The following CACNA2D1 variants were observed in gnomAD, a reference collection of about 807,000 sequenced individuals.
CACNA2D1 encodes calcium voltage-gated channel auxiliary subunit alpha2delta 1.
Under a neutral mutation model 171.5 loss-of-function variants are expected in CACNA2D1, and 53 were observed. The ratio of observed to expected loss-of-function variants is 0.31; its 90% CI spans 0.25 to 0.39. The LOEUF (loss-of-function observed/expected upper bound fraction) is 0.39, where lower values mean the gene tolerates loss of function less well. CACNA2D1 is among the 10% of genes least tolerant of loss of function. CACNA2D1 has a pLI of 1.00. For synonymous variants in CACNA2D1, 442 were observed against 443.1 expected (o/e 1.00, Z 0.03); for missense variants, 903 against 1,299.8 (o/e 0.69, Z 4.69).
chr7:82,097,718 G>A (rs1367508812), intron 6 of CACNA2D1, among the ~76,000 whole-genome samples: 3 of 152,156 alleles, frequency 2.0e-5, no homozygotes, highest in Admixed American at 2.0e-4. Context: ...GTATAAGGAA[G>A]AATCAGATTT....
intron 17 of CACNA2D1, 93 bp from the exon 18 acceptor site, chr7:82,005,590 T>C (rs1433339487): frequency 1.1e-5 from 10 of 884,226 alleles, no homozygotes; most frequent in Admixed American, 2.1e-5. Flanking sequence ...AAATACACAT[T>C]GTATAGCATG....
At chr7:82,104,168 C>T (rs1255134270) in intron 6 of CACNA2D1, among the ~76,000 whole-genome samples, 1 of 151,894 alleles carries the variant, frequency 6.6e-6, no homozygotes, top group Non-Finnish European at 1.5e-5. Context: ...TTGTATAATT[C>T]ATCACGTTTT....
intron 3 of CACNA2D1, among the ~76,000 whole-genome samples, chr7:82,176,669 T>C (rs1319012337): frequency 3.3e-5 from 5 of 151,702 alleles, no homozygotes; most frequent in African/African-American, 7.3e-5. Flanking sequence ...AGCAACTAGA[T>C]AAATACCCTG....
intron 1 of CACNA2D1, among the ~76,000 whole-genome samples, chr7:82,425,655 C>G (rs1405152905): frequency 6.6e-6 from 1 of 150,690 alleles, no homozygotes; most frequent in African/African-American, 2.4e-5. Flanking sequence ...ATCCTCTCAC[C>G]CGCATAGCTG....
At chr7:82,297,574 T>C (rs548635518) in intron 3 of CACNA2D1, among the ~76,000 whole-genome samples, 35 of 152,206 alleles carry the variant, frequency 2.3e-4, no homozygotes, top group Non-Finnish European at 4.0e-4. Context: ...ATTGTAATTA[T>C]AGAATAAAAA....
intron 5 of CACNA2D1, among the ~76,000 whole-genome samples, chr7:82,135,330 G>T (rs571452938): frequency 6.6e-6 from 1 of 151,784 alleles, no homozygotes; most frequent in South Asian, 2.1e-4. Context: ...CTTCAAAAAT[G>T]GTACTTATTT....
At chr7:82,362,513 A>G (rs555990239) in intron 1 of CACNA2D1, among the ~76,000 whole-genome samples, 4 of 152,244 alleles carry the variant, frequency 2.6e-5, no homozygotes, top group South Asian at 2.1e-4. Context: ...AGCACATGCA[A>G]TCCATTAGAA....
chr7:82,303,941 A>G (rs1813371320), intron 3 of CACNA2D1, among the ~76,000 whole-genome samples: 4 of 152,172 alleles, frequency 2.6e-5, no homozygotes, highest in Admixed American at 2.0e-4. Context: ...GAAGGGGAGA[A>G]AATATTTGCA....
Position 81,950,215 on chromosome 7 carries a change from C to A in CACNA2D1, c.*177G>T, listed in dbSNP as rs927185827. 8 of 1,078,114 alleles carry A rather than the reference C, an allele frequency of 7.4e-6. No homozygotes were observed. The African/African-American group carries it at 1.1e-4, about 15-fold the overall frequency. The allele number at this position is 1,078,114 out of a possible 1,614,324, so 66.8% of individuals were successfully genotyped here. A position where few individuals can be genotyped will look rare whatever the true frequency, so the allele number is the denominator to read the frequency against. Reference sequence around the variant, plus strand: ...TTCACACACGTTTAAGGATCTGACACCCTGACATGCAGCCAGTGGGTGCCT... The same window carrying A: ...TTCACACACGTTTAAGGATCTGACAACCTGACATGCAGCCAGTGGGTGCCT... On this transcript the variant is annotated 3_prime_UTR_variant, in exon 39 of 39. Coordinates refer to ENST00000356860, the MANE Select transcript of CACNA2D1 (RefSeq NM_000722.4).
intron 3 of CACNA2D1, among the ~76,000 whole-genome samples, chr7:82,260,965 T>A (rs1169115817): frequency 6.6e-6 from 1 of 151,990 alleles, no homozygotes; most frequent in East Asian, 1.9e-4. Context: ...TTTTTTTTTT[T>A]TCTTCTTGAG....
chr7:82,043,352 TA>T (rs1804177474), intron 10 of CACNA2D1, among the ~76,000 whole-genome samples: 1 of 152,166 alleles, frequency 6.6e-6, no homozygotes, highest in Non-Finnish European at 1.5e-5. Context: ...TTTTAAAAAT[TA>T]TTTTAGTAAA....
rs189487738 is a variant in CACNA2D1 at position 82,077,920 on chromosome 7, G to A, written c.658+6849C>T. Among the ~76,000 whole-genome samples, 53 of 151,942 alleles carry A rather than the reference G, an allele frequency of 3.5e-4. No individual in the cohort carries two copies. In the East Asian group the frequency reaches 0.01, roughly 29 times the overall value. On this transcript the variant is annotated intron_variant, in intron 7 of 38. Coordinates refer to ENST00000356860, the MANE Select transcript of CACNA2D1 (RefSeq NM_000722.4). ...ACTAAACTTTAAAAAGTATTCTTTG[G>A]ACTACCTTATCATCTGCTATTTGAT... is the stretch of plus-strand genomic sequence containing the variant.
Position 82,443,566 on chromosome 7 carries a change from G to T in CACNA2D1, c.-107C>A, listed in dbSNP as rs1221100495. 2 of 1,502,716 alleles carry T rather than the reference G, an allele frequency of 1.3e-6. No individual in the cohort carries two copies. The highest frequency in any genetic ancestry group is 1.5e-5 in the African/African-American group (1 of 68,818). The allele number at this position is 1,502,716 out of a possible 1,614,324, so 93.1% of individuals were successfully genotyped here. A position where few individuals can be genotyped will look rare whatever the true frequency, so the allele number is the denominator to read the frequency against. ...AGCACACGCCGCCGGGACCGCGGGC[G>T]TCTGGAGGGCTGGCTGCGCCCGGGG... On this transcript the variant is annotated 5_prime_UTR_variant, in exon 1 of 39. Transcript: ENST00000356860.
intron 4 of CACNA2D1, among the ~76,000 whole-genome samples, chr7:82,150,899 G>C (rs990942206): frequency 2.6e-5 from 4 of 152,090 alleles, no homozygotes; most frequent in Non-Finnish European, 5.9e-5. Flanking sequence ...AAGCACATTT[G>C]AATAATATAT....
At chr7:82,340,567 G>A (rs1416812409) in intron 2 of CACNA2D1, among the ~76,000 whole-genome samples, 1 of 151,868 alleles carries the variant, frequency 6.6e-6, no homozygotes, top group African/African-American at 2.4e-5. Flanking sequence ...GTCTGAAGTT[G>A]TGATTAACAT....
At chr7:82,157,284 G>T (rs3801738) in intron 4 of CACNA2D1, among the ~76,000 whole-genome samples, 49,745 of 151,978 alleles carry the variant, frequency 0.33, 9,801 homozygotes, top group East Asian at 0.5. Flanking sequence ...CCCTACACCA[G>T]AGAATCCCAT....
At chr7:82,310,984 T>G (rs1348050909) in intron 3 of CACNA2D1, among the ~76,000 whole-genome samples, 1 of 152,146 alleles carries the variant, frequency 6.6e-6, no homozygotes, top group Non-Finnish European at 1.5e-5. Context: ...TCCGGCTTAT[T>G]TGATTTATTA....
chr7:82,380,185 A>T (rs1563459338), intron 1 of CACNA2D1, among the ~76,000 whole-genome samples: 1 of 152,174 alleles, frequency 6.6e-6, no homozygotes, highest in Non-Finnish European at 1.5e-5. Flanking sequence ...TCAAATCTCA[A>T]ATTTTCTCAC....
chr7:82,327,361 T>A (rs189169893), intron 3 of CACNA2D1, among the ~76,000 whole-genome samples: 16 of 152,290 alleles, frequency 1.1e-4, no homozygotes, highest in Non-Finnish European at 1.9e-4. Context: ...CCTACGTATA[T>A]CTTATTACAG....
Sources: allele counts gnomAD v4.1 joint callset (sites outside exome capture counted in the v4.1 genomes callset), GRCh38; gene constraint gnomAD v4.1.1; transcripts MANE v1.5; gene names NCBI Gene and HGNC (gene_info 2026-07-23, HGNC 2026-07-21).